KCTD8: variants seen among roughly 807,000 people sequenced by gnomAD.
KCTD8 encodes the protein potassium channel tetramerization domain containing 8.
Under a neutral mutation model 31.5 loss-of-function variants are expected in KCTD8, and 27 were observed. That is an observed-to-expected ratio of 0.86 (90% CI 0.63 to 1.18). The LOEUF is 1.18. KCTD8 is among the 50% of genes most tolerant of loss of function. The probability of loss-of-function intolerance (pLI) is 0.00; values close to 1 mark genes in which losing one functional copy is unlikely to be tolerated. For missense variants in KCTD8, 658 were observed against 647.7 expected, an observed-to-expected ratio of 1.02 and a Z score of -0.17; for synonymous variants, 290 against 280.0, an observed-to-expected ratio of 1.04 and a Z score of -0.36.
chr4:44,377,468 G>A (rs1159101204), intron 1 of KCTD8, among the ~76,000 whole-genome samples: 1 of 152,162 alleles, frequency 6.6e-6, no homozygotes, highest in South Asian at 2.1e-4. Flanking sequence ...ATTTCTGGGG[G>A]GTAGAATTAT....
At chr4:44,256,091 A>T (rs1315925904) in intron 1 of KCTD8, among the ~76,000 whole-genome samples, 2 of 151,894 alleles carry the variant, frequency 1.3e-5, no homozygotes, top group East Asian at 3.9e-4. Flanking sequence ...TGTGGAGGGG[A>T]ACTGCACATC....
In KCTD8 at chr4:44,174,692, A is replaced by G; in HGVS notation, c.*98T>C. 1 of 871,968 alleles carries G rather than the reference A, an allele frequency of 1.1e-6. No homozygotes were observed. The highest frequency in any genetic ancestry group is 1.8e-6 in the Non-Finnish European group (1 of 557,950). 54.0% of individuals were successfully genotyped at this position (871,968 alleles called of 1,614,324 possible). A position where few individuals can be genotyped will look rare whatever the true frequency, so the allele number is the denominator to read the frequency against. On this transcript the variant is annotated 3_prime_UTR_variant, in exon 2 of 2. Coordinates refer to ENST00000360029, the MANE Select transcript of KCTD8 (RefSeq NM_198353.3). ...TCCACTGTTCACAACAAGGAAGAGC[A>G]GCAAGAATCACACTGACCATTGTTA...
chr4:44,378,178 C>T (rs954598106), intron 1 of KCTD8, among the ~76,000 whole-genome samples: 9 of 147,746 alleles, frequency 6.1e-5, no homozygotes, highest in East Asian at 2.0e-4. Flanking sequence ...CTTTTCCCTA[C>T]GGACTGAAAT....
At chr4:44,334,456 G>A in intron 1 of KCTD8, among the ~76,000 whole-genome samples, 1 of 151,938 alleles carries the variant, frequency 6.6e-6, no homozygotes, top group Non-Finnish European at 1.5e-5. Flanking sequence ...AGTCATACTA[G>A]TTCTGAGAAT....
At chr4:44,406,511 GA>G (rs1704641031) in intron 1 of KCTD8, among the ~76,000 whole-genome samples, 1 of 152,084 alleles carries the variant, frequency 6.6e-6, no homozygotes, top group Non-Finnish European at 1.5e-5. Flanking sequence ...CACCATGTAA[GA>G]AGTGCCTTTT....
chr4:44,252,835 A>G (rs556278225), intron 1 of KCTD8, among the ~76,000 whole-genome samples: 1 of 151,734 alleles, frequency 6.6e-6, no homozygotes, highest in Admixed American at 6.6e-5. Flanking sequence ...ACTGAATTAT[A>G]TATCAGTCTC....
chr4:44,369,246 A>C (rs1305396636), intron 1 of KCTD8, among the ~76,000 whole-genome samples: 3 of 152,220 alleles, frequency 2.0e-5, no homozygotes, highest in African/African-American at 4.8e-5. Context: ...GATTATGTTT[A>C]TACTTCTAAT....
chr4:44,196,104 A>C (rs750564880), intron 1 of KCTD8, among the ~76,000 whole-genome samples: 8 of 152,256 alleles, frequency 5.3e-5, no homozygotes, highest in Non-Finnish European at 1.0e-4. Flanking sequence ...GCCAACTAGA[A>C]CTTGCTTGAA....
intron 1 of KCTD8, among the ~76,000 whole-genome samples, chr4:44,340,345 C>T (rs1053183614): frequency 1.3e-5 from 2 of 151,266 alleles, no homozygotes; most frequent in Non-Finnish European, 2.9e-5. Context: ...GTTGCCCAGG[C>T]TGGAATGCAG....
At chr4:44,273,596 A>G (rs759404799) in intron 1 of KCTD8, among the ~76,000 whole-genome samples, 53 of 152,048 alleles carry the variant, frequency 3.5e-4, no homozygotes, top group Non-Finnish European at 6.0e-4. Flanking sequence ...CAAAAGAAAA[A>G]TTTTCCTAAA....
intron 1 of KCTD8, among the ~76,000 whole-genome samples, chr4:44,377,707 T>C (rs1181738453): frequency 6.6e-6 from 1 of 152,210 alleles, no homozygotes; most frequent in Non-Finnish European, 1.5e-5. Flanking sequence ...TTGCTCTTCA[T>C]GTCTTCTTTT....
intron 1 of KCTD8, among the ~76,000 whole-genome samples, chr4:44,395,307 G>A (rs1377629774): frequency 6.6e-6 from 1 of 152,108 alleles, no homozygotes; most frequent in Non-Finnish European, 1.5e-5. Context: ...AGTTTCACAT[G>A]ATTAGCAAAA....
rs189063961 is a variant in KCTD8, at chr4:44,308,763, A to G, written c.962-133513T>C. ...AAAATAAAGTAATATACTAATCAAT[A>G]ACAAAAATTCAGACTAACAAAAATA... On this transcript the variant is annotated intron_variant, in intron 1 of 1. Transcript: ENST00000360029. Among the ~76,000 whole-genome samples, 48 of 152,244 alleles carry G rather than the reference A, an allele frequency of 3.2e-4. No homozygotes were observed. The East Asian group carries it at 9.3e-3, about 29-fold the overall frequency.
intron 1 of KCTD8, among the ~76,000 whole-genome samples, chr4:44,409,732 C>T (rs1188024206): frequency 6.6e-6 from 1 of 151,626 alleles, no homozygotes; most frequent in Admixed American, 6.6e-5. Context: ...GCTTTTGCAT[C>T]TTTCCTATTT....
chr4:44,175,048 T>C lies in KCTD8; in HGVS notation c.1164A>G (p.Thr388=), dbSNP rs763466903. 11 of 1,614,022 alleles carry C rather than the reference T, an allele frequency of 6.8e-6. No individual in the cohort carries two copies. In the South Asian group the frequency reaches 9.9e-5, roughly 14 times the overall value. The change falls in exon 2 of 2, where the codon ACA becomes ACG. Residue 388 remains threonine (T), a synonymous_variant. Transcript: ENST00000360029. ...QATAHQPNTL[T]LDRPSKKAPV... ...GTGCTTTTTTAGAGGGGCGATCCAA[T>C]GTTAAAGTGTTAGGTTGGTGAGCTG... is the stretch of plus-strand genomic sequence containing the variant.
chr4:44,259,954 T>C (rs1353914496), intron 1 of KCTD8, among the ~76,000 whole-genome samples: 2 of 151,882 alleles, frequency 1.3e-5, no homozygotes, highest in East Asian at 1.9e-4. Context: ...CAATTATATA[T>C]CATAGGTTTA....
chr4:44,316,992 C>CAAA (rs1718144109), intron 1 of KCTD8, among the ~76,000 whole-genome samples: 1 of 148,538 alleles, frequency 6.7e-6, no homozygotes, highest in African/African-American at 2.5e-5. Context: ...ACAACAACAA[C>CAAA]AAATAAAATA....
chr4:44,328,032 C>T (rs1017150312), intron 1 of KCTD8, among the ~76,000 whole-genome samples: 4 of 151,846 alleles, frequency 2.6e-5, no homozygotes, highest in African/African-American at 4.8e-5. Context: ...TCTCTCACAT[C>T]AAATACTAAT....
At position 44,406,998 on chromosome 4, in the gene KCTD8, C is replaced by T. The variant is rs564814936; in HGVS notation, c.961+40565G>A. On this transcript the variant is annotated intron_variant, in intron 1 of 1. Transcript: ENST00000360029. The stretch of plus-strand genomic sequence containing the variant: ...ACTAATTTTTCTTTCTAATCATCAG[C>T]CAACACTTGAGTTCAAGTCTACCTA... 1.1e-4 allele frequency among the ~76,000 whole-genome samples: 16 copies of T among 152,164 alleles called. No homozygotes were observed. In the South Asian group the frequency reaches 3.3e-3, roughly 32 times the overall value.
Sources: allele counts gnomAD v4.1 joint callset (sites outside exome capture counted in the v4.1 genomes callset), GRCh38; gene constraint gnomAD v4.1.1; transcripts MANE v1.5; gene names NCBI Gene and HGNC (gene_info 2026-07-23, HGNC 2026-07-21).